Variants in GLI3 observed in about 807,000 individuals in gnomAD.
GLI3 encodes GLI family zinc finger 3.
Under a neutral mutation model 100.8 loss-of-function variants are expected in GLI3, and 20 were observed. That is an observed-to-expected ratio of 0.20 (90% confidence interval 0.14 to 0.29). The LOEUF (loss-of-function observed/expected upper bound fraction) is 0.29. Ranked by LOEUF, GLI3 falls within the 10% of genes least tolerant of loss-of-function variation. The pLI, the probability that GLI3 is intolerant of heterozygous loss-of-function variation, is 1.00. For synonymous variants in GLI3, 938 were observed against 860.5 expected (o/e 1.09, Z -1.58); for missense variants, 2,040 against 2,128.5 (o/e 0.96, Z 0.82).
chr7:42,114,440 GA>G (rs55738831), intron 3 of GLI3, among the ~76,000 whole-genome samples: 27,383 of 145,876 alleles, frequency 0.19, 3,973 homozygotes, highest in African/African-American at 0.41. Context: ...TTTGGCTTGG[GA>G]AAAAAAAAAA....
chr7:42,096,582 CTGG>C (rs149467551), intron 3 of GLI3, among the ~76,000 whole-genome samples: 1,896 of 152,330 alleles, frequency 0.012, 31 homozygotes, highest in African/African-American at 0.042. Context: ...TTGCTGCCCA[CTGG>C]CAAGGAGAAC....
intron 2 of GLI3, chr7:42,152,443 G>A (rs1481502346): frequency 5.1e-6 from 5 of 984,768 alleles, no homozygotes; most frequent in East Asian, 1.1e-4. Flanking sequence ...GAACATTCTC[G>A]GTATCTCTCT....
chr7:42,220,106 C>A (rs1339173049), intron 2 of GLI3, among the ~76,000 whole-genome samples: 1 of 152,118 alleles, frequency 6.6e-6, no homozygotes, highest in Non-Finnish European at 1.5e-5. Context: ...CCCGCCTCGG[C>A]CTGCCAAAGT....
At chr7:42,116,454 G>A (rs1426443012) in intron 3 of GLI3, among the ~76,000 whole-genome samples, 5 of 146,332 alleles carry the variant, frequency 3.4e-5, no homozygotes, top group African/African-American at 1.3e-4. Flanking sequence ...TTAATACCCA[G>A]AGGATCAGGT....
intron 2 of GLI3, among the ~76,000 whole-genome samples, chr7:42,220,499 A>G (rs1788465084): frequency 6.6e-6 from 1 of 152,162 alleles, no homozygotes; most frequent in East Asian, 1.9e-4. Flanking sequence ...GCCAGGTCCA[A>G]AGCCCACACA....
chr7:42,255,076 G>GT (rs532700046), intron 1 of GLI3, among the ~76,000 whole-genome samples: 62 of 147,578 alleles, frequency 4.2e-4, no homozygotes, highest in East Asian at 1.8e-3. Context: ...TTCTGTTTCT[G>GT]TTTTTTTTTT....
chr7:42,090,411 A>C (rs1001008545), intron 3 of GLI3, among the ~76,000 whole-genome samples: 2 of 152,228 alleles, frequency 1.3e-5, no homozygotes, highest in Middle Eastern at 3.2e-3. Context: ...CCACTGTCTT[A>C]CATGTGGTCA....
Position 42,261,973 on chromosome 7 carries a change from GCT to G in GLI3, c.-43+2019_-43+2020del, listed in dbSNP as rs1198650288. ...TTTCCTTTTTCTTCCTCTCTCTCTC[GCT>G]CTCTCTTTCTTTCTTTCTTTCTTTC... On this transcript the variant is annotated intron_variant, in intron 1 of 2. Transcript: ENST00000678978. Among the ~76,000 whole-genome samples, 6 of 43,210 alleles carry G rather than the reference GCT, an allele frequency of 1.4e-4. No individual in the cohort carries two copies. In the East Asian group the frequency reaches 1.8e-3, roughly 13 times the overall value. The allele number at this position is 43,210 out of a possible 152,430, so 28.3% of individuals were successfully genotyped here.
At chr7:42,174,767 G>A (rs1020054434) in intron 2 of GLI3, among the ~76,000 whole-genome samples, 1 of 152,194 alleles carries the variant, frequency 6.6e-6, no homozygotes, top group Non-Finnish European at 1.5e-5. Flanking sequence ...CGGCACGGGC[G>A]AGGAGTCTGG....
At chr7:42,212,870 A>G (rs907955782) in intron 2 of GLI3, among the ~76,000 whole-genome samples, 3 of 152,256 alleles carry the variant, frequency 2.0e-5, no homozygotes, top group Non-Finnish European at 4.4e-5. Context: ...CAAGGGGAAC[A>G]GAGAGCGCAT....
At chr7:41,995,126 AATG>A (rs1333550286) in intron 10 of GLI3, among the ~76,000 whole-genome samples, 2 of 152,206 alleles carry the variant, frequency 1.3e-5, no homozygotes, top group African/African-American at 4.8e-5. Context: ...GTACATGCAA[AATG>A]ATGTCTGTAT....
chr7:41,988,770 A>G (rs934560903), intron 10 of GLI3, among the ~76,000 whole-genome samples: 6 of 152,204 alleles, frequency 3.9e-5, no homozygotes, highest in Admixed American at 2.0e-4. Context: ...ACAGGCCCCT[A>G]ATTCCTTCTA....
At chr7:42,261,601 A>G (rs931080443) in intron 1 of GLI3, among the ~76,000 whole-genome samples, 1 of 152,216 alleles carries the variant, frequency 6.6e-6, no homozygotes, top group African/African-American at 2.4e-5. Context: ...AAGTCAGACT[A>G]TATATTTTAT....
At chr7:42,059,706 C>T (rs1319619203) in intron 4 of GLI3, among the ~76,000 whole-genome samples, 2 of 152,202 alleles carry the variant, frequency 1.3e-5, no homozygotes, top group Non-Finnish European at 2.9e-5. Flanking sequence ...TGGTTGGATT[C>T]TGTGACATCT....
chr7:42,062,890 C>T (rs1487264574), intron 4 of GLI3, among the ~76,000 whole-genome samples: 1 of 152,122 alleles, frequency 6.6e-6, no homozygotes, highest in Non-Finnish European at 1.5e-5. Context: ...CCTCAATTTA[C>T]ACTGCAATAT....
intron 2 of GLI3, among the ~76,000 whole-genome samples, chr7:42,182,662 A>ATATATATATATACATACATGTGTG (rs1554337068): frequency 3.9e-5 from 3 of 76,742 alleles, no homozygotes; most frequent in African/African-American, 2.0e-4. Flanking sequence ...ATATATATAT[A>ATATATATATATACATACATGTGTG]TATATATATA....
chr7:42,251,480 G>A (rs1486807430), intron 1 of GLI3, among the ~76,000 whole-genome samples: 2 of 152,298 alleles, frequency 1.3e-5, no homozygotes, highest in Non-Finnish European at 2.9e-5. Flanking sequence ...GGGGAGTTGG[G>A]GGAGTGGCTG....
intron 2 of GLI3, among the ~76,000 whole-genome samples, chr7:42,187,829 C>T (rs1263233038): frequency 6.6e-6 from 1 of 151,596 alleles, no homozygotes; most frequent in African/African-American, 2.4e-5. Flanking sequence ...ATGGTGAAAC[C>T]CCGTCTCTAC....
At chr7:42,237,483 C>T (rs1351483327), upstream of GLI3, among the ~76,000 whole-genome samples, 1 of 151,848 alleles carries the variant, frequency 6.6e-6, no homozygotes, top group East Asian at 2.0e-4. Flanking sequence ...GACCTGGCAC[C>T]GCCTGCACTA....
Sources: allele counts gnomAD v4.1 joint callset (sites outside exome capture counted in the v4.1 genomes callset), GRCh38; gene constraint gnomAD v4.1.1; transcripts MANE v1.5; gene names NCBI Gene and HGNC (gene_info 2026-07-23, HGNC 2026-07-21).